The following GABRA4 variants were observed in gnomAD, a reference collection of about 807,000 sequenced individuals.
GABRA4 encodes the protein gamma-aminobutyric acid receptor subunit alpha-4.
GABRA4 carries 12 observed loss-of-function variants against 49.7 expected under a neutral mutation model. The ratio of observed to expected loss-of-function variants is 0.24; its 90% confidence interval spans 0.15 to 0.39. The LOEUF (loss-of-function observed/expected upper bound fraction) is 0.39. Among genes scored for constraint, GABRA4 ranks in the 10% least tolerant of loss-of-function variants. The probability of loss-of-function intolerance (pLI) is 1.00; values close to 1 mark genes in which losing one functional copy is unlikely to be tolerated. For missense variants in GABRA4, 506 were observed against 686.0 expected (o/e 0.74, Z 2.93); for synonymous variants, 288 against 240.2 (o/e 1.20, Z -1.84).
rs1720876591 is a variant in GABRA4 at position 46,919,010 on chromosome 4, C to G, written c.*9215G>C. Reference sequence around the variant, plus strand: ...CAGAGTTTAGCTCCAACACATTTATCTTAAAATATAAGTATCTGTGATTAA... The same window carrying G: ...CAGAGTTTAGCTCCAACACATTTATGTTAAAATATAAGTATCTGTGATTAA... On this transcript the variant is annotated 3_prime_UTR_variant, in exon 9 of 9. Transcript: ENST00000264318. The G allele has an allele frequency of 6.6e-6, 1 of 151,538 alleles. No individual in the cohort carries two copies. Among genetic ancestry groups the G allele is most frequent in the Non-Finnish European group, 1.5e-5 (1 of 67,570 alleles). The allele number at this position is 151,538 out of a possible 1,614,324, so 9.4% of individuals were successfully genotyped here. A position where few individuals can be genotyped will look rare whatever the true frequency, so the allele number is the denominator to read the frequency against.
intron 2 of GABRA4, among the ~76,000 whole-genome samples, chr4:46,981,355 A>G (rs974222670): frequency 6.6e-6 from 1 of 152,138 alleles, no homozygotes; most frequent in Non-Finnish European, 1.5e-5. Flanking sequence ...TTCCATGATA[A>G]TAATGAACAT....
At chr4:46,963,694 T>C (rs1441582963) in intron 8 of GABRA4, among the ~76,000 whole-genome samples, 3 of 151,708 alleles carry the variant, frequency 2.0e-5, no homozygotes, top group Non-Finnish European at 2.9e-5. Flanking sequence ...TAAACAGATA[T>C]AGGTAAAGGT....
At position 46,986,116 on chromosome 4, in the gene GABRA4, C is replaced by A. The variant is rs1408723933; in HGVS notation, c.205+6712G>T. Among the ~76,000 whole-genome samples the A allele has an allele frequency of 2.0e-5, 3 of 152,006 alleles. No homozygotes were observed. In the East Asian group the frequency reaches 5.8e-4, roughly 29 times the overall value. On this transcript the variant is annotated intron_variant, in intron 2 of 8. Transcript: ENST00000264318. ...TGTTTTTCATGCCTAGGGTCCACTT[C>A]CTTTTGTCAGTACCATGAGTTTTTC...
intron 8 of GABRA4, among the ~76,000 whole-genome samples, chr4:46,933,458 A>G (rs542806894): frequency 6.6e-6 from 1 of 152,266 alleles, no homozygotes; most frequent in Non-Finnish European, 1.5e-5. Context: ...ACTATTCTGT[A>G]TATCATATCC....
chr4:46,983,471 A>C (rs1304009376), intron 2 of GABRA4, among the ~76,000 whole-genome samples: 2 of 152,106 alleles, frequency 1.3e-5, no homozygotes, highest in Non-Finnish European at 2.9e-5. Context: ...TCATGTTCCT[A>C]ATATCATCCC....
At chr4:46,982,872 A>T (rs554969370) in intron 2 of GABRA4, among the ~76,000 whole-genome samples, 35 of 152,170 alleles carry the variant, frequency 2.3e-4, no homozygotes, top group African/African-American at 8.2e-4. Context: ...TGGACTAGGG[A>T]TGTGGCAGTG....
chr4:46,959,559 T>C (rs561174793), intron 8 of GABRA4, among the ~76,000 whole-genome samples: 1 of 151,796 alleles, frequency 6.6e-6, no homozygotes, highest in African/African-American at 2.4e-5. Context: ...ACTTAGCCAA[T>C]GGAATGAGCT....
At position 46,921,546 on chromosome 4, in the gene GABRA4, G is replaced by A. The variant is rs1560455466; in HGVS notation, c.*6679C>T. 6.6e-6 allele frequency: 1 copy of A among 151,978 alleles called. No homozygotes were observed. Among genetic ancestry groups the A allele is most frequent in the Non-Finnish European group, 1.5e-5 (1 of 67,946 alleles). 9.4% of individuals were successfully genotyped at this position (151,978 alleles called of 1,614,324 possible). A position where few individuals can be genotyped will look rare whatever the true frequency, so the allele number is the denominator to read the frequency against. Reference sequence around the variant, plus strand: ...CTAGTCCTTCTCAATTTTCTAAGGTGCCATACAGCTGGTTTAATCCAGATT... The same window carrying A: ...CTAGTCCTTCTCAATTTTCTAAGGTACCATACAGCTGGTTTAATCCAGATT... On this transcript the variant is annotated 3_prime_UTR_variant, in exon 9 of 9. Coordinates refer to ENST00000264318, the MANE Select transcript of GABRA4 (RefSeq NM_000809.4).
At chr4:46,948,368 T>C (rs1424513492) in intron 8 of GABRA4, among the ~76,000 whole-genome samples, 2 of 152,086 alleles carry the variant, frequency 1.3e-5, no homozygotes, top group Non-Finnish European at 2.9e-5. Context: ...AGAAATATCA[T>C]GGAGGAAACA....
At chr4:46,938,663 A>G (rs1002897748) in intron 8 of GABRA4, among the ~76,000 whole-genome samples, 2 of 152,120 alleles carry the variant, frequency 1.3e-5, no homozygotes, top group African/African-American at 4.8e-5. Context: ...CCTACTGAAC[A>G]TACACATTTA....
intron 2 of GABRA4, among the ~76,000 whole-genome samples, chr4:46,985,175 CA>C (rs1723488630): frequency 6.6e-6 from 1 of 151,910 alleles, no homozygotes; most frequent in Non-Finnish European, 1.5e-5. Context: ...TTATATATAG[CA>C]AGTTCAAAAC....
intron 6 of GABRA4, among the ~76,000 whole-genome samples, 190 bp downstream of exon 6, chr4:46,974,042 G>A (rs187055104): frequency 5.9e-5 from 9 of 151,894 alleles, no homozygotes; most frequent in Non-Finnish European, 1.2e-4. Context: ...TACTAAATCA[G>A]AATTTATTTT....
intron 2 of GABRA4, among the ~76,000 whole-genome samples, chr4:46,986,504 C>A (rs971448090): frequency 6.6e-6 from 1 of 151,998 alleles, no homozygotes; most frequent in South Asian, 2.1e-4. Flanking sequence ...TCACAAACCA[C>A]TCCTTTTAAG....
chr4:46,930,149 C>T (rs549899727), intron 8 of GABRA4, among the ~76,000 whole-genome samples: 3 of 151,782 alleles, frequency 2.0e-5, no homozygotes, highest in East Asian at 3.9e-4. Flanking sequence ...AGAAAGCATT[C>T]GTCATGTCAG....
rs543747724 is a variant in GABRA4 at position 46,977,034 on chromosome 4, T to C, written c.577+27A>G. 1.9e-4 allele frequency: 271 copies of C among 1,409,444 alleles called. 3 individuals are homozygous for C. In the South Asian group the frequency reaches 3.0e-3, roughly 16 times the overall value. The allele number at this position is 1,409,444 out of a possible 1,614,324, so 87.3% of individuals were successfully genotyped here. A position where few individuals can be genotyped will look rare whatever the true frequency, so the allele number is the denominator to read the frequency against. ...TAGCTTGCATGAGGTAATCATAAAT[T>C]CTAGCAAAATTTTTATTATAACTTA... On this transcript the variant is annotated intron_variant, in intron 5 of 8. Coordinates refer to ENST00000264318, the MANE Select transcript of GABRA4 (RefSeq NM_000809.4).
At chr4:46,983,180 C>T (rs1358193482) in intron 2 of GABRA4, among the ~76,000 whole-genome samples, 3 of 152,038 alleles carry the variant, frequency 2.0e-5, no homozygotes, top group Non-Finnish European at 2.9e-5. Flanking sequence ...GCTAGCTTTA[C>T]TATACTACAT....
chr4:46,941,865 G>T (rs1041213161), intron 8 of GABRA4, among the ~76,000 whole-genome samples: 1 of 152,078 alleles, frequency 6.6e-6, no homozygotes, highest in Non-Finnish European at 1.5e-5. Flanking sequence ...GGCTTAAAAG[G>T]TTTCCTCTGG....
At chr4:46,935,552 G>A (rs1046478767) in intron 8 of GABRA4, among the ~76,000 whole-genome samples, 3 of 152,032 alleles carry the variant, frequency 2.0e-5, no homozygotes, top group Admixed American at 2.0e-4. Flanking sequence ...TGGCCATCAT[G>A]TCTAATAATT....
chr4:46,928,243 T>G lies in GABRA4; in HGVS notation c.1647A>C (p.Lys549Asn). The change falls in exon 9 of 9, where the codon AAA (lysine) becomes AAC (asparagine). Residue 549 changes from lysine to asparagine, a missense_variant. Transcript: ENST00000264318. Reference sequence around the variant, plus strand: ...AACGAAATTACATTAGACTTTCTGATTTCTCCATAGTGTCCTTAGATAAAT... The same window carrying G: ...AACGAAATTACATTAGACTTTCTGAGTTCTCCATAGTGTCCTTAGATAAAT... ...VVYLSKDTME[K>N]SESLM 1 of 1,607,594 alleles carries G rather than the reference T, an allele frequency of 6.2e-7. No homozygotes were observed. Among genetic ancestry groups the G allele is most frequent in the Non-Finnish European group, 8.5e-7 (1 of 1,176,416 alleles).
Sources: allele counts gnomAD v4.1 joint callset (sites outside exome capture counted in the v4.1 genomes callset), GRCh38; gene constraint gnomAD v4.1.1; transcripts MANE v1.5; gene names NCBI Gene and HGNC (gene_info 2026-07-23, HGNC 2026-07-21).